The following VIRMA variants were observed in gnomAD, a reference collection of about 807,000 sequenced individuals.
The protein encoded by VIRMA is vir like m6A methyltransferase associated, also known as protein virilizer homolog.
VIRMA carries 65 observed loss-of-function variants against 182.4 expected under a neutral mutation model. That is an observed-to-expected ratio of 0.36 (90% CI 0.29 to 0.44). VIRMA has a LOEUF of 0.44. VIRMA is among the 20% of genes least tolerant of loss of function. The pLI is 1.00. For missense variants in VIRMA, 1,752 were observed against 2,158.1 expected (o/e 0.81, Z 3.73); for synonymous variants, 709 against 743.1 (o/e 0.95, Z 0.75).
chr8:94,547,101 T>A (rs1379724726), intron 1 of VIRMA: 2 of 436,672 alleles, frequency 4.6e-6, no homozygotes, highest in South Asian at 3.2e-5. Flanking sequence ...AAGTCCTTTA[T>A]CTAGCTGAAT....
At chr8:94,517,675 A>G (rs939645561) in intron 10 of VIRMA, 113 bp downstream of exon 10, 1 of 605,464 alleles carries the variant, frequency 1.7e-6, no homozygotes, top group Non-Finnish European at 2.6e-6. Context: ...CAGGAAGTTA[A>G]AAACAGTATT....
intron 2 of VIRMA, 140 bp downstream of exon 2, chr8:94,543,687 T>C (rs1053883537): frequency 5.4e-6 from 3 of 558,024 alleles, no homozygotes; most frequent in African/African-American, 1.9e-5. Flanking sequence ...ATAGAGCCAA[T>C]TACAATGCAG....
Position 94,526,392 on chromosome 8 carries a change from T to G in VIRMA, c.1852A>C (p.Asn618His), listed in dbSNP as rs776381973. ...CTTTCTATTTCCCCTTCACTTATATTTGAGGATTCCAAAAGATCCATATCC... is the reference window on the plus strand; with the variant it reads ...CTTTCTATTTCCCCTTCACTTATATGTGAGGATTCCAAAAGATCCATATCC... ...SMDMDLLESSNISEGEIERLI... is the reference protein window; with the variant it reads ...SMDMDLLESSHISEGEIERLI... Residue 618 changes from asparagine (N) to histidine (H), a missense_variant, in exon 8 of 24, where the codon AAT (asparagine) becomes CAT (histidine). Transcript: ENST00000297591. 2 of 1,613,930 alleles carry G rather than the reference T, an allele frequency of 1.2e-6. No homozygotes were observed. The highest frequency in any genetic ancestry group is 1.7e-5 in the Admixed American group (1 of 59,970).
At chr8:94,488,930 C>A (rs370672669) in intron 23 of VIRMA, 70 bp from the exon 24 acceptor site, 6 of 1,497,790 alleles carry the variant, frequency 4.0e-6, no homozygotes, top group Admixed American at 2.0e-5. Context: ...TACTAATCTA[C>A]GACACTGAGC....
chr8:94,543,940 T>G lies in VIRMA; in HGVS notation c.66A>C (p.Gln22His), dbSNP rs149566520. 2 of 1,580,282 alleles carry G rather than the reference T, an allele frequency of 1.3e-6. No individual in the cohort carries two copies. The highest frequency in any genetic ancestry group is 1.7e-6 in the Non-Finnish European group (2 of 1,154,696). ...AACGAACCACATCTATATGAGAACT[T>G]TGCTGTAACAAAAAAAAAGCCGGAG... is the stretch of plus-strand genomic sequence containing the variant. ...LDTFKHPSAEQSSHIDVVRFP... is the reference protein window; with the variant it reads ...LDTFKHPSAEHSSHIDVVRFP... The change falls in exon 2 of 24, where the codon CAA becomes CAC. Residue 22 changes from glutamine (Q) to histidine (H), a missense_variant and splice_region_variant. This residue lies in a region of VIRMA where 195 missense variants were observed against 191.7 expected (regional missense o/e 1.02). Coordinates refer to ENST00000297591, the MANE Select transcript of VIRMA (RefSeq NM_015496.5).
At chr8:94,539,338 G>A (rs1211058368) in intron 2 of VIRMA, among the ~76,000 whole-genome samples, 1 of 152,094 alleles carries the variant, frequency 6.6e-6, no homozygotes, top group Non-Finnish European at 1.5e-5. Flanking sequence ...ATTGATATTT[G>A]TACAGCAGCA....
chr8:94,543,749 T>C, intron 2 of VIRMA, 78 bp downstream of exon 2: 1 of 797,668 alleles, frequency 1.3e-6, no homozygotes, highest in Non-Finnish European at 2.1e-6. Context: ...AAATATTCCC[T>C]TACATTTTTG....
intron 22 of VIRMA, among the ~76,000 whole-genome samples, chr8:94,490,472 CCCT>C (rs1421437846): frequency 1.3e-5 from 2 of 152,208 alleles, no homozygotes; most frequent in Admixed American, 6.5e-5. Flanking sequence ...TTCACTCTCA[CCCT>C]CCTAACTCAG....
chr8:94,510,873 G>T, intron 13 of VIRMA: 1 of 894,450 alleles, frequency 1.1e-6, no homozygotes, highest in Non-Finnish European at 1.6e-6. Flanking sequence ...CATTGGTGAA[G>T]CAATCTAGTT....
chr8:94,518,949 C>T (rs1350011157), intron 9 of VIRMA, 36 bp downstream of exon 9: 1 of 1,521,204 alleles, frequency 6.6e-7, no homozygotes, highest in Non-Finnish European at 8.8e-7. Context: ...GATTTTCTAA[C>T]ATCATAGAAA....
At chr8:94,500,165 C>T (rs994412745) in intron 16 of VIRMA, among the ~76,000 whole-genome samples, 3 of 147,084 alleles carry the variant, frequency 2.0e-5, no homozygotes, top group African/African-American at 5.3e-5. Flanking sequence ...TTTGGGAGGT[C>T]GAGGCGGGCA....
At chr8:94,553,277 G>A in intron 1 of VIRMA, 108 bp downstream of exon 1, 1 of 1,127,044 alleles carries the variant, frequency 8.9e-7, no homozygotes, top group South Asian at 1.3e-5. Context: ...GTGTAAGCGA[G>A]AAATTAAAGA....
chr8:94,508,375 T>C (rs1814242226), intron 15 of VIRMA, among the ~76,000 whole-genome samples: 1 of 152,162 alleles, frequency 6.6e-6, no homozygotes, highest in Non-Finnish European at 1.5e-5. Context: ...TGAGCTACCA[T>C]GCCCGGCCAG....
intron 16 of VIRMA, among the ~76,000 whole-genome samples, chr8:94,504,321 A>G (rs1161593682): frequency 6.6e-6 from 1 of 151,814 alleles, no homozygotes; most frequent in Admixed American, 6.6e-5. Context: ...CAGACATCCT[A>G]TCATTTTTCT....
At chr8:94,501,935 T>C (rs1319571958) in intron 16 of VIRMA, among the ~76,000 whole-genome samples, 1 of 152,228 alleles carries the variant, frequency 6.6e-6, no homozygotes, top group Non-Finnish European at 1.5e-5. Flanking sequence ...TGTATCTAAC[T>C]GTTAAGTCCG....
chr8:94,514,695 T>A (rs749797062), intron 11 of VIRMA, among the ~76,000 whole-genome samples, 174 bp downstream of exon 11: 14 of 152,246 alleles, frequency 9.2e-5, no homozygotes, highest in Non-Finnish European at 1.3e-4. Context: ...CACATATGCA[T>A]ATAATCGCAC....
chr8:94,504,152 C>A (rs1290831330), intron 16 of VIRMA, among the ~76,000 whole-genome samples: 1 of 150,738 alleles, frequency 6.6e-6, no homozygotes, highest in Non-Finnish European at 1.5e-5. Context: ...CCAACCCGGG[C>A]GATAGAGCAA....
rs1359008424 is a variant in VIRMA, at chr8:94,514,816, T to A, written c.2751+53A>T. On this transcript the variant is annotated intron_variant, in intron 11 of 23. Coordinates refer to ENST00000297591, the MANE Select transcript of VIRMA (RefSeq NM_015496.5). ...CAAGTGATTCAATGCAGTATCACCA[T>A]GTACTACCACACAGTTTCAAAAAGT... The A allele has an allele frequency of 4.6e-6, 4 of 862,568 alleles. No homozygotes were observed. In the Admixed American group the frequency reaches 7.8e-5, roughly 17 times the overall value. 53.4% of individuals were successfully genotyped at this position (862,568 alleles called of 1,614,324 possible).
intron 7 of VIRMA, among the ~76,000 whole-genome samples, 186 bp downstream of exon 7, chr8:94,528,884 T>C (rs955337300): frequency 3.3e-5 from 5 of 152,212 alleles, no homozygotes; most frequent in African/African-American, 1.2e-4. Context: ...GAGATTAAAG[T>C]AAACACACAA....
Sources: allele counts gnomAD v4.1 joint callset (sites outside exome capture counted in the v4.1 genomes callset), GRCh38; gene constraint gnomAD v4.1.1; regional missense constraint gnomAD v4.1.1; transcripts MANE v1.5; gene names NCBI Gene and HGNC (gene_info 2026-07-23, HGNC 2026-07-21).